ADGRL2: variants seen among roughly 807,000 people sequenced by gnomAD.
The protein encoded by ADGRL2 is calcium-independent alpha-latrotoxin receptor 2.
ADGRL2 carries 44 observed loss-of-function variants against 157.4 expected under a neutral mutation model. The observed-to-expected ratio is 0.28, with a 90% CI of 0.22 to 0.36. The LOEUF is 0.36. Among genes scored for constraint, ADGRL2 ranks in the 10% least tolerant of loss-of-function variants. ADGRL2 has a pLI of 1.00. For missense variants in ADGRL2, 1,510 were observed against 1,768.9 expected (o/e 0.85, Z 2.63); for synonymous variants, 585 against 624.7 (o/e 0.94, Z 0.95).
chr1:81,372,579 C>G (rs902829417), intron 1 of ADGRL2, among the ~76,000 whole-genome samples: 1 of 152,140 alleles, frequency 6.6e-6, no homozygotes, highest in Non-Finnish European at 1.5e-5. Context: ...GCTTCCTTTG[C>G]TTATGGCTCT....
rs558591468 is a variant in ADGRL2, at chr1:81,756,071, C to T, written c.-142-5740C>T. ...ACAAAATCACTAATCCATATACAAC[C>T]CAGTCTTATCAAGAAGAATTAAATC... On this transcript the variant is annotated intron_variant, in intron 1 of 20. Transcript: ENST00000359929. Among the ~76,000 whole-genome samples the T allele has an allele frequency of 4.6e-5, 7 of 152,190 alleles. No individual in the cohort carries two copies. In the South Asian group the frequency reaches 6.2e-4, roughly 14 times the overall value.
intron 1 of ADGRL2, among the ~76,000 whole-genome samples, chr1:81,368,127 A>C (rs2100965887): frequency 6.6e-6 from 1 of 152,300 alleles, no homozygotes; most frequent in South Asian, 2.1e-4. Flanking sequence ...TGGTTGAATT[A>C]ATTTGCATTC....
intron 3 of ADGRL2, among the ~76,000 whole-genome samples, chr1:81,674,481 G>A (rs1214528826): frequency 1.3e-5 from 2 of 152,112 alleles, no homozygotes; most frequent in African/African-American, 4.8e-5. Context: ...CATGTGCACC[G>A]GTGCGCCCCC....
chr1:81,588,262 G>C (rs1319404498), intron 3 of ADGRL2: 1 of 152,192 alleles, frequency 6.6e-6, no homozygotes, highest in Non-Finnish European at 1.5e-5. Flanking sequence ...CTTTGGGAAG[G>C]AGAGAGCTAT....
chr1:81,824,677 A>G (rs2091295498), intron 1 of ADGRL2, among the ~76,000 whole-genome samples: 1 of 152,160 alleles, frequency 6.6e-6, no homozygotes, highest in African/African-American at 2.4e-5. Flanking sequence ...TGGCAGTAAG[A>G]ATCTGGAGAG....
At chr1:81,900,461 G>T (rs142919902) in intron 2 of ADGRL2, among the ~76,000 whole-genome samples, 1,715 of 152,136 alleles carry the variant, frequency 0.011, 27 homozygotes, top group South Asian at 0.06. Flanking sequence ...CTGCCATGAA[G>T]AGCTGACATG....
intron 6 of ADGRL2, among the ~76,000 whole-genome samples, chr1:81,947,371 A>AG (rs1282145547): frequency 1.3e-5 from 2 of 152,228 alleles, no homozygotes; most frequent in African/African-American, 4.8e-5. Context: ...GATAACTGCA[A>AG]GGTTACTTGT....
Position 81,824,948 on chromosome 1 carries a change from C to CCTCTCTCTCTCTCTCTCT in ADGRL2, c.-100-11920_-100-11903dup, listed in dbSNP as rs3046312. The stretch of plus-strand genomic sequence containing the variant: ...GTTTCCAGTTTTGCTTTTTAATTCT[C>CCTCTCTCTCTCTCTCTCT]CTCTCTCTCTCTCTCTCTCTCTCTC... On this transcript the variant is annotated intron_variant, in intron 1 of 23. Coordinates refer to ENST00000686636, the MANE Select transcript of ADGRL2 (RefSeq NM_001366006.2). 7.2e-3 allele frequency among the ~76,000 whole-genome samples: 926 copies of CCTCTCTCTCTCTCTCTCT among 127,854 alleles called. 13 individuals are homozygous for CCTCTCTCTCTCTCTCTCT. Among genetic ancestry groups the CCTCTCTCTCTCTCTCTCT allele is most frequent in the African/African-American group, 0.016 (519 of 33,130 alleles). 83.9% of individuals were successfully genotyped at this position (127,854 alleles called of 152,430 possible).
At chr1:81,488,726 C>A (rs1382500497) in intron 2 of ADGRL2, among the ~76,000 whole-genome samples, 6 of 151,164 alleles carry the variant, frequency 4.0e-5, no homozygotes, top group Admixed American at 2.6e-4. Flanking sequence ...GAAAGTAAGT[C>A]CAGTTTTCGA....
At chr1:81,868,973 ATGT>A (rs1321608025) in intron 2 of ADGRL2, among the ~76,000 whole-genome samples, 3 of 152,124 alleles carry the variant, frequency 2.0e-5, no homozygotes, top group African/African-American at 4.8e-5. Context: ...ATTTGAAAGG[ATGT>A]TGTGAGAGCA....
At chr1:81,583,055 C>T (rs908548014) in intron 3 of ADGRL2, among the ~76,000 whole-genome samples, 2 of 152,110 alleles carry the variant, frequency 1.3e-5, no homozygotes, top group Non-Finnish European at 2.9e-5. Flanking sequence ...TTCTGTTATA[C>T]CGTACACCAA....
At chr1:81,971,591 G>T (rs1658765868) in intron 16 of ADGRL2, among the ~76,000 whole-genome samples, 1 of 152,124 alleles carries the variant, frequency 6.6e-6, no homozygotes, top group African/African-American at 2.4e-5. Flanking sequence ...TGGTGGAGTG[G>T]TGTTTATTGT....
intron 2 of ADGRL2, among the ~76,000 whole-genome samples, chr1:81,510,046 T>C (rs1311169520): frequency 6.6e-6 from 1 of 152,148 alleles, no homozygotes; most frequent in Non-Finnish European, 1.5e-5. Context: ...CAAATACCGC[T>C]GTTAGGAAAA....
At chr1:81,807,578 T>C (rs1002816136) in intron 1 of ADGRL2, among the ~76,000 whole-genome samples, 2 of 152,022 alleles carry the variant, frequency 1.3e-5, no homozygotes, top group African/African-American at 4.8e-5. Flanking sequence ...AAATAGTTTC[T>C]TTAACACAGA....
In ADGRL2 at chr1:81,421,592, T is replaced by C. The variant is rs1266973847; in HGVS notation, c.-301-23444T>C. Among the ~76,000 whole-genome samples, 3 of 152,318 alleles carry C rather than the reference T, an allele frequency of 2.0e-5. No individual in the cohort carries two copies. In the East Asian group the frequency reaches 5.8e-4, roughly 29 times the overall value. On this transcript the variant is annotated intron_variant, in intron 1 of 24. Transcript: ENST00000370721. ...TCAAGGTGCTTTGCTCCTCTGTGGA[T>C]CTGTCTTGCCCACGTGAGTATTTGA... is the stretch of plus-strand genomic sequence containing the variant.
intron 1 of ADGRL2, among the ~76,000 whole-genome samples, chr1:81,383,953 C>CAAA (rs577073531): frequency 2.4e-5 from 2 of 83,838 alleles, no homozygotes; most frequent in Admixed American, 1.4e-4. Context: ...GACTCTGTCT[C>CAAA]AAAAAAAAAA....
At chr1:81,504,718 T>C (rs1460963328) in intron 2 of ADGRL2, among the ~76,000 whole-genome samples, 2 of 152,048 alleles carry the variant, frequency 1.3e-5, no homozygotes, top group Non-Finnish European at 2.9e-5. Flanking sequence ...ACCGTACCAG[T>C]TCTGAAGAGC....
intron 3 of ADGRL2, among the ~76,000 whole-genome samples, chr1:81,594,473 T>C (rs547651189): frequency 2.0e-4 from 31 of 152,354 alleles, no homozygotes; most frequent in African/African-American, 7.5e-4. Flanking sequence ...CAGATGGTTT[T>C]TGAAACTACC....
In ADGRL2 at chr1:81,652,820, G is replaced by A. The variant is rs368166910; in HGVS notation, c.-143+71840G>A. On this transcript the variant is annotated intron_variant, in intron 3 of 24. Coordinates refer to the ADGRL2 transcript ENST00000370721. ...AGCCCTCTCCCTCTCCCCAGAGTGA[G>A]GGGGTGATTTATTACTTAATGGACA... is the stretch of plus-strand genomic sequence containing the variant. 3.6e-4 allele frequency among the ~76,000 whole-genome samples: 55 copies of A among 152,282 alleles called. 1 individual carries two copies. In the East Asian group the frequency reaches 6.6e-3, roughly 18 times the overall value.
Sources: allele counts gnomAD v4.1 joint callset (sites outside exome capture counted in the v4.1 genomes callset), GRCh38; gene constraint gnomAD v4.1.1; transcripts MANE v1.5; gene names NCBI Gene and HGNC (gene_info 2026-07-23, HGNC 2026-07-21).